ACAN: variants seen among roughly 807,000 people sequenced by gnomAD.
ACAN encodes aggrecan core protein.
In ACAN, 47 loss-of-function variants were observed where a neutral mutation model predicts 169.1. That is an observed-to-expected ratio of 0.28 (90% CI 0.22 to 0.35). The LOEUF (loss-of-function observed/expected upper bound fraction) is 0.35, where lower values mean the gene tolerates loss of function less well. Ranked by LOEUF, ACAN falls within the 10% of genes least tolerant of loss-of-function variation. The pLI is 1.00. For synonymous variants in ACAN, 1,115 were observed against 1,112.2 expected (o/e 1.00, Z -0.05); for missense variants, 2,716 against 2,759.9 (o/e 0.98, Z 0.36).
Position 88,843,245 on chromosome 15 carries a change from G to A in ACAN, c.758-110G>A, listed in dbSNP as rs142470258. 9.7e-7 allele frequency: 1 copy of A among 1,029,654 alleles called. No individual in the cohort carries two copies. Among genetic ancestry groups the A allele is most frequent in the Non-Finnish European group, 1.4e-6 (1 of 728,556 alleles). 63.8% of individuals were successfully genotyped at this position (1,029,654 alleles called of 1,614,324 possible). A position where few individuals can be genotyped will look rare whatever the true frequency, so the allele number is the denominator to read the frequency against. ...GCAGACATATGGGACCAGGACTTTG[G>A]GAAGTTAAAGGACTCCCAAGACCTC... is the stretch of plus-strand genomic sequence containing the variant. On this transcript the variant is annotated intron_variant, in intron 5 of 18. Transcript: ENST00000560601. This position sits in a 1 kb window ranked among gnomAD's most constrained non-coding sequence, Gnocchi z 4.0.
intron 1 of ACAN, among the ~76,000 whole-genome samples, chr15:88,834,506 G>A (rs1375640517): frequency 6.6e-6 from 1 of 152,196 alleles, no homozygotes; most frequent in Non-Finnish European, 1.5e-5. Flanking sequence ...AGCCAAGAGC[G>A]ACACCTGCTG....
In ACAN at chr15:88,859,344, A is replaced by C. The variant is rs767540027; in HGVS notation, c.6759A>C (p.Thr2253=). The change falls in exon 12 of 19, where the codon ACA becomes ACC. Residue 2253 remains threonine, a synonymous_variant. Transcript: ENST00000560601. ...GAGAAGAGACTCACACAGTCGAAAC[A>C]GCCACCTCCCCAACAGATGCTTCCA... The part of the protein sequence containing the change: ...YSGEETHTVE[T]ATSPTDASIP... The C allele has an allele frequency of 6.2e-7, 1 of 1,601,712 alleles. No individual in the cohort carries two copies. The highest frequency in any genetic ancestry group is 1.7e-4 in the Middle Eastern group (1 of 6,040).
At position 88,838,046 on chromosome 15, in the gene ACAN, C is replaced by T. The variant is rs1231934333; in HGVS notation, c.71-617C>T. Among the ~76,000 whole-genome samples the T allele has an allele frequency of 6.6e-6, 1 of 151,854 alleles. No individual in the cohort carries two copies. The highest frequency in any genetic ancestry group is 1.5e-5 in the Non-Finnish European group (1 of 67,984). On this transcript the variant is annotated intron_variant, in intron 2 of 18. Transcript: ENST00000560601. This position sits in a 1 kb window ranked among gnomAD's most constrained non-coding sequence, Gnocchi z 5.1. ...TTGGAGTCTGATCCTATCCCATCGC[C>T]TCTCCTGCATCTGACTGTTTGCACA...
intron 1 of ACAN, among the ~76,000 whole-genome samples, chr15:88,804,442 A>C (rs1895624963): frequency 6.6e-6 from 1 of 152,146 alleles, no homozygotes; most frequent in Admixed American, 6.5e-5. Flanking sequence ...GAGCTACTGA[A>C]CTGCCAGCAG....
rs547751329 is a variant in ACAN at position 88,857,097 on chromosome 15, G to A, written c.4512G>A (p.Glu1504=). Residue 1504 remains glutamate (E), a synonymous_variant, in exon 12 of 19, where the codon GAG becomes GAA. Transcript: ENST00000560601. ...TAGAGACTTCTGCCTCTGGAATAGA[G>A]GATGTCAGTGAACTTCCTTCAGGAG... ...EVVETSASGI[E]DVSELPSGEG... 7.5e-6 allele frequency: 12 copies of A among 1,606,770 alleles called. No homozygotes were observed. In the East Asian group the frequency reaches 2.2e-4, roughly 30 times the overall value.
chr15:88,869,725 G>A lies in ACAN; in HGVS notation c.7060+1396G>A, dbSNP rs991385991. On this transcript the variant is annotated intron_variant, in intron 14 of 18. Transcript: ENST00000560601. This position sits in a 1 kb window ranked among gnomAD's most constrained non-coding sequence, Gnocchi z 4.2. ...AGAGAGATGGTGACAGAGCCACCCA[G>A]CTCGGCCCTGGGCCTGGGGGCCCAG... 1.3e-5 allele frequency among the ~76,000 whole-genome samples: 2 copies of A among 152,212 alleles called. No homozygotes were observed. Among genetic ancestry groups the A allele is most frequent in the African/African-American group, 4.8e-5 (2 of 41,444 alleles).
At chr15:88,841,008 G>A (rs1158430156) in intron 4 of ACAN, among the ~76,000 whole-genome samples, 1 of 152,320 alleles carries the variant, frequency 6.6e-6, no homozygotes, top group Non-Finnish European at 1.5e-5. Context: ...AGCCAGGCGT[G>A]GTGGTGGGCT....
intron 1 of ACAN, among the ~76,000 whole-genome samples, chr15:88,835,395 A>T (rs1389417075): frequency 1.3e-5 from 2 of 152,094 alleles, no homozygotes; most frequent in African/African-American, 4.8e-5. Context: ...ATACGCACAC[A>T]GACACACACA....
chr15:88,871,467 TGAGCGCCGGTGTCGG>T lies in ACAN; in HGVS notation c.7151_7165del (p.Arg2384_Glu2388del). ...CGGACCGCGAGACCTGGGTGGATGC[TGAGCGCCGGTGTCGG>T]GAGCAGCAGTCACACCTGAGCAGCA... On this transcript the variant is annotated inframe_deletion, in exon 15 of 19. Transcript: ENST00000560601. The surrounding 1 kb of genome is among the most constrained non-coding windows in gnomAD (Gnocchi z 7.8). 6.2e-7 allele frequency: 1 copy of T among 1,613,900 alleles called. No individual in the cohort carries two copies. Among genetic ancestry groups the T allele is most frequent in the Non-Finnish European group, 8.5e-7 (1 of 1,179,864 alleles).
intron 1 of ACAN, among the ~76,000 whole-genome samples, chr15:88,824,360 C>T (rs953787647): frequency 3.3e-5 from 5 of 151,920 alleles, no homozygotes; most frequent in African/African-American, 1.2e-4. Context: ...ATTAACACTC[C>T]TTCTACTTCC....
In ACAN at chr15:88,849,867, T is replaced by C. The variant is rs543655343; in HGVS notation, c.2026+136T>C. ...TCAGTCCCTCTGGGGCAGAGCCAGC[T>C]CTGAAACCAGCACAACGCAGGCTTT... On this transcript the variant is annotated intron_variant, in intron 10 of 18. Transcript: ENST00000560601. The surrounding 1 kb of genome is among the most constrained non-coding windows in gnomAD (Gnocchi z 5.1). 7.8e-7 allele frequency: 1 copy of C among 1,279,430 alleles called. No homozygotes were observed. Among genetic ancestry groups the C allele is most frequent in the African/African-American group, 1.5e-5 (1 of 67,834 alleles). 79.3% of individuals were successfully genotyped at this position (1,279,430 alleles called of 1,614,324 possible). A position where few individuals can be genotyped will look rare whatever the true frequency, so the allele number is the denominator to read the frequency against.
chr15:88,849,656 A>G lies in ACAN; in HGVS notation c.1951A>G (p.Arg651Gly), dbSNP rs753982782. The G allele has an allele frequency of 6.2e-7, 1 of 1,613,584 alleles. No homozygotes were observed. The highest frequency in any genetic ancestry group is 8.5e-7 in the Non-Finnish European group (1 of 1,179,868). The change falls in exon 10 of 19, where the codon AGA becomes GGA. Residue 651 changes from arginine to glycine, a missense_variant. Around this residue, in one of 3 missense-constraint regions of ACAN, gnomAD observed 1,283 missense variants for 1,281.5 expected, o/e 1.00. Transcript: ENST00000560601. The surrounding 1 kb of genome is among the most constrained non-coding windows in gnomAD (Gnocchi z 5.1). ...CTGCGGTGGGGACAAGCCAGGCGTG[A>G]GAACGGTCTACCTCTACCCTAACCA... ...PACGGDKPGV[R>G]TVYLYPNQTG...
chr15:88,871,677 A>C lies in ACAN; in HGVS notation c.7219+137A>C. On this transcript the variant is annotated intron_variant, in intron 15 of 18. Transcript: ENST00000560601. This position sits in a 1 kb window ranked among gnomAD's most constrained non-coding sequence, Gnocchi z 7.8. ...CTGGGGGAGGGGGAACAGTGTTCCC[A>C]CAGTCTGAGCTCCCAGAGAGAAGAC... 1 of 1,236,650 alleles carries C rather than the reference A, an allele frequency of 8.1e-7. No homozygotes were observed. The highest frequency in any genetic ancestry group is 1.1e-6 in the Non-Finnish European group (1 of 907,376). 76.6% of individuals were successfully genotyped at this position (1,236,650 alleles called of 1,614,324 possible).
Position 88,826,166 on chromosome 15 carries a change from C to T in ACAN, c.-7-10034C>T, listed in dbSNP as rs184579487. The stretch of plus-strand genomic sequence containing the variant: ...CACGTCGGGGGGCTCTACTGACTAC[C>T]CACAGGTTGACTAGTAGGAATCCAG... On this transcript the variant is annotated intron_variant, in intron 1 of 18. Coordinates refer to ENST00000560601, the MANE Select transcript of ACAN (RefSeq NM_001369268.1). 2.6e-5 allele frequency among the ~76,000 whole-genome samples: 4 copies of T among 152,180 alleles called. No homozygotes were observed. In the East Asian group the frequency reaches 5.8e-4, roughly 22 times the overall value.
chr15:88,848,124 G>T (rs1018424665), intron 9 of ACAN, 86 bp downstream of exon 9: 1 of 1,537,804 alleles, frequency 6.5e-7, no homozygotes, highest in African/African-American at 1.4e-5. Context: ...AAGAGAGGGG[G>T]TTACCACCCA....
chr15:88,822,714 G>A (rs1432315822), intron 1 of ACAN, among the ~76,000 whole-genome samples: 5 of 152,260 alleles, frequency 3.3e-5, no homozygotes, highest in South Asian at 4.1e-4. Context: ...GATTACAGGC[G>A]TGAGCCACCA....
At position 88,852,025 on chromosome 15, in the gene ACAN, C is replaced by T. The variant is rs749512612; in HGVS notation, c.2258C>T (p.Pro753Leu). 1.1e-5 allele frequency: 18 copies of T among 1,600,634 alleles called. No individual in the cohort carries two copies. Among genetic ancestry groups the T allele is most frequent in the Middle Eastern group, 1.6e-4 (1 of 6,072 alleles). ...EPAYTPVGTS[P>L]LPGILPTWPP... is the part of the protein sequence containing the mutation. The stretch of plus-strand genomic sequence containing the variant: ...GCCTATACCCCAGTGGGCACATCCC[C>T]GCTGCCAGGTTGGTATGGCTTGGGT... The change falls in exon 11 of 19, where the codon CCG becomes CTG. Residue 753 changes from proline to leucine, a missense_variant. Physicochemically the swap from Pro to Leu is moderately conservative, Grantham distance 98 (BLOSUM62 -3). Transcript: ENST00000560601.
rs369187075 is a variant in ACAN at position 88,840,127 on chromosome 15, C to T, written c.570C>T (p.Ala190=). The change falls in exon 4 of 19, where the codon GCC becomes GCT. Residue 190 remains alanine, a synonymous_variant. Transcript: ENST00000560601. The part of the protein sequence containing the change: ...AIIATPEQLQ[A]AYEDGFHQCD... ...TTGCCACGCCTGAGCAGCTGCAGGC[C>T]GCCTACGAAGACGGCTTCCACCAGT... 2.0e-5 allele frequency: 32 copies of T among 1,605,758 alleles called. No individual in the cohort carries two copies. The highest frequency in any genetic ancestry group is 1.3e-4 in the East Asian group (6 of 44,614).
chr15:88,816,866 A>C (rs765970796), intron 1 of ACAN, among the ~76,000 whole-genome samples: 1 of 152,234 alleles, frequency 6.6e-6, no homozygotes, highest in African/African-American at 2.4e-5. Context: ...CAGGAGACAG[A>C]GGCTGTGAGC....
Sources: gnomAD v4.1 joint callset for allele counts (sites outside exome capture counted in the v4.1 genomes callset) on GRCh38, gnomAD v4.1.1 for gene constraint, gnomAD v4.1.1 regional missense constraint, Gnocchi (gnomAD v3.1) non-coding constraint, MANE v1.5 for transcripts, NCBI Gene and HGNC (gene_info 2026-07-23, HGNC 2026-07-21) for gene names.